PGPEP1: variants seen among roughly 807,000 people sequenced by gnomAD.
PGPEP1 encodes pyroglutamyl-peptidase I.
In PGPEP1, 15 loss-of-function variants were observed where a neutral mutation model predicts 24.1. The observed-to-expected ratio is 0.62, with a 90% CI of 0.42 to 0.96. The LOEUF is 0.96. Among genes scored for constraint, PGPEP1 ranks in the 40% least tolerant of loss-of-function variants. The pLI is 0.00. For missense variants in PGPEP1, 242 were observed against 273.4 expected, an observed-to-expected ratio of 0.89 and a Z score of 0.81; for synonymous variants, 122 against 116.4, an observed-to-expected ratio of 1.05 and a Z score of -0.31.
At chr19:18,348,543 C>T (rs569423966) in intron 2 of PGPEP1, among the ~76,000 whole-genome samples, 2 of 152,186 alleles carry the variant, frequency 1.3e-5, no homozygotes, top group East Asian at 1.9e-4. Context: ...GGGTGCCCTG[C>T]CCCCCTTCTC....
intron 3 of PGPEP1, 31 bp downstream of exon 3, chr19:18,356,042 A>C (rs776632579): frequency 2.2e-5 from 30 of 1,348,520 alleles, no homozygotes; most frequent in Non-Finnish European, 3.0e-5. Context: ...GCACTTCCTC[A>C]TCAGGACTTA....
chr19:18,344,533 C>G (rs1004774855), intron 2 of PGPEP1, among the ~76,000 whole-genome samples: 3 of 140,586 alleles, frequency 2.1e-5, no homozygotes, highest in Middle Eastern at 3.4e-3. Context: ...CTGTACCCCC[C>G]ATTTTTTAAT....
chr19:18,362,140 C>T (rs907918030), intron 4 of PGPEP1, among the ~76,000 whole-genome samples: 1 of 152,174 alleles, frequency 6.6e-6, no homozygotes, highest in Non-Finnish European at 1.5e-5. Context: ...GGCGTGGTGG[C>T]TCACGCCTGT....
chr19:18,355,503 C>T (rs1023872552), intron 2 of PGPEP1, among the ~76,000 whole-genome samples: 7 of 152,034 alleles, frequency 4.6e-5, no homozygotes, highest in Non-Finnish European at 8.8e-5. Flanking sequence ...TCAGGTGATC[C>T]GCCCACCTTG....
Position 18,340,664 on chromosome 19 carries a change from G to T in PGPEP1, c.-18G>T. The T allele has an allele frequency of 6.5e-7, 1 of 1,539,856 alleles. No individual in the cohort carries two copies. The highest frequency in any genetic ancestry group is 8.7e-7 in the Non-Finnish European group (1 of 1,146,172). On this transcript the variant is annotated 5_prime_UTR_variant, in exon 1 of 5. Transcript: ENST00000269919. ...CAGTCGCAACAGAAGCAGGTCCGAG[G>T]CACAGCCCGATCCCGCCATGGAGCA...
At chr19:18,352,285 A>AAAAAAAAAAAAC (rs1971054365) in intron 2 of PGPEP1, among the ~76,000 whole-genome samples, 1 of 149,752 alleles carries the variant, frequency 6.7e-6, no homozygotes, top group Non-Finnish European at 1.5e-5. Flanking sequence ...AAAAAAAAAA[A>AAAAAAAAAAAAC]AATTAGTTGG....
intron 2 of PGPEP1, among the ~76,000 whole-genome samples, chr19:18,347,432 G>GTC (rs148553230): frequency 2.7e-5 from 4 of 146,832 alleles, no homozygotes; most frequent in East Asian, 2.0e-4. Flanking sequence ...CTGTCTCCCT[G>GTC]TCTCTCTCTC....
intron 2 of PGPEP1, among the ~76,000 whole-genome samples, chr19:18,350,842 T>C (rs1292702393): frequency 6.6e-6 from 1 of 151,872 alleles, no homozygotes; most frequent in Non-Finnish European, 1.5e-5. Context: ...GGAAGATCGC[T>C]TGAGCCCTGG....
chr19:18,357,590 G>T lies in PGPEP1; in HGVS notation c.412G>T (p.Val138Leu). 1 of 1,610,436 alleles carries T rather than the reference G, an allele frequency of 6.2e-7. No individual in the cohort carries two copies. Among genetic ancestry groups the T allele is most frequent in the Non-Finnish European group, 8.5e-7 (1 of 1,178,376 alleles). The change falls in exon 4 of 5, where the codon GTG becomes TTG. Residue 138 changes from valine (V) to leucine (L), a missense_variant. Coordinates refer to ENST00000269919, the MANE Select transcript of PGPEP1 (RefSeq NM_017712.4). ...CACCACGTTGGGCCTGGATGTGTCG[G>T]TGACCATCTCGCAGGATGCCGGCAG... ...RVTTLGLDVS[V>L]TISQDAGRYL...
At chr19:18,341,859 C>A (rs959053868) in intron 1 of PGPEP1, among the ~76,000 whole-genome samples, 3 of 152,022 alleles carry the variant, frequency 2.0e-5, no homozygotes, top group African/African-American at 7.2e-5. Context: ...CAGGCTACAG[C>A]ATCTCTGCAT....
rs1242143706 is a variant in PGPEP1, at chr19:18,364,104, C to CTTTCTTTTTTCTTTCTTTCTTT, written c.*528_*529insTTTCTTTCTTTCTTTTTTCTTT. The CTTTCTTTTTTCTTTCTTTCTTT allele has an allele frequency of 1.4e-5, 2 of 140,222 alleles. No homozygotes were observed. Among genetic ancestry groups the CTTTCTTTTTTCTTTCTTTCTTT allele is most frequent in the East Asian group, 4.2e-4 (2 of 4,800 alleles). The allele number at this position is 140,222 out of a possible 1,614,324, so 8.7% of individuals were successfully genotyped here. On this transcript the variant is annotated 3_prime_UTR_variant, in exon 5 of 5. Coordinates refer to ENST00000269919, the MANE Select transcript of PGPEP1 (RefSeq NM_017712.4). The stretch of plus-strand genomic sequence containing the variant: ...GCTGGCTTTCTTTCTTTCTTTCTTT[C>CTTTCTTTTTTCTTTCTTTCTTT]TTTCTTTCTTGCTTTCTTTCTTTCT...
intron 4 of PGPEP1, 147 bp from the exon 5 acceptor site, chr19:18,363,244 T>C: frequency 1.7e-6 from 1 of 598,470 alleles, no homozygotes; most frequent in African/African-American, 1.9e-5. Flanking sequence ...TTTGCCAACC[T>C]GGGGAGGGAG....
rs1311814864 is a variant in PGPEP1 at position 18,364,895 on chromosome 19, G to A, written c.*1312G>A. ...CCCTACTTCTGGCCTGGAGCTTCAG[G>A]GTTTTGGTGCTGGGACGAGTTTGTT... On this transcript the variant is annotated 3_prime_UTR_variant, in exon 5 of 5. Coordinates refer to ENST00000269919, the MANE Select transcript of PGPEP1 (RefSeq NM_017712.4). 6.6e-6 allele frequency: 1 copy of A among 151,982 alleles called. No individual in the cohort carries two copies. The highest frequency in any genetic ancestry group is 1.5e-5 in the Non-Finnish European group (1 of 68,002). The allele number at this position is 151,982 out of a possible 1,614,324, so 9.4% of individuals were successfully genotyped here. A position where few individuals can be genotyped will look rare whatever the true frequency, so the allele number is the denominator to read the frequency against.
intron 2 of PGPEP1, among the ~76,000 whole-genome samples, chr19:18,352,388 A>G (rs897139652): frequency 1.3e-5 from 2 of 151,294 alleles, no homozygotes; most frequent in African/African-American, 4.8e-5. Flanking sequence ...AGGTTGCAGT[A>G]AGACAAGATC....
At chr19:18,344,373 G>A (rs773665216) in intron 2 of PGPEP1, among the ~76,000 whole-genome samples, 43 of 152,174 alleles carry the variant, frequency 2.8e-4, no homozygotes, top group Admixed American at 1.1e-3. Context: ...GTGTTTTCTC[G>A]TTATATAAAT....
intron 1 of PGPEP1, among the ~76,000 whole-genome samples, chr19:18,341,862 C>A (rs904721484): frequency 6.6e-6 from 1 of 152,014 alleles, no homozygotes; most frequent in African/African-American, 2.4e-5. Flanking sequence ...GCTACAGCAT[C>A]TCTGCATAGC....
intron 4 of PGPEP1, among the ~76,000 whole-genome samples, chr19:18,362,951 C>A (rs1264237545): frequency 1.4e-4 from 21 of 152,008 alleles, no homozygotes; most frequent in Admixed American, 1.4e-3. Context: ...GGACAACCAG[C>A]GTGCCTTCCC....
rs1568320782 is a variant in PGPEP1 at position 18,364,083 on chromosome 19, G to GTTCTTT, written c.*500_*501insTTCTTT. 1.0e-3 allele frequency: 88 copies of GTTCTTT among 86,694 alleles called. 1 individual carries two copies. The highest frequency in any genetic ancestry group is 0.013 in the Middle Eastern group (2 of 156). 5.4% of individuals were successfully genotyped at this position (86,694 alleles called of 1,614,324 possible). On this transcript the variant is annotated 3_prime_UTR_variant, in exon 5 of 5. Coordinates refer to ENST00000269919, the MANE Select transcript of PGPEP1 (RefSeq NM_017712.4). ...ACCCTGGGATATGGCTGGCTGGCTG[G>GTTCTTT]CTTTCTTTCTTTCTTTCTTTCTTTC...
rs567573185 is a variant in PGPEP1, at chr19:18,365,401, A to G, written c.*1818A>G. 11 of 152,320 alleles carry G rather than the reference A, an allele frequency of 7.2e-5. No homozygotes were observed. Among genetic ancestry groups the G allele is most frequent in the African/African-American group, 2.7e-4 (11 of 41,498 alleles). 9.4% of individuals were successfully genotyped at this position (152,320 alleles called of 1,614,324 possible). ...TCTGTTGACCAGGCTGGAGTACAGT[A>G]GTGTGATCATGGATCACTGCAGCCT... On this transcript the variant is annotated 3_prime_UTR_variant, in exon 5 of 5. Coordinates refer to ENST00000269919, the MANE Select transcript of PGPEP1 (RefSeq NM_017712.4).
Sources: gnomAD v4.1 joint callset for allele counts (sites outside exome capture counted in the v4.1 genomes callset) on GRCh38, gnomAD v4.1.1 for gene constraint, MANE v1.5 for transcripts, NCBI Gene and HGNC (gene_info 2026-07-23, HGNC 2026-07-21) for gene names.